LPO: variants seen among roughly 807,000 people sequenced by gnomAD.
LPO encodes lactoperoxidase, also known as salivary peroxidase.
In LPO, 70 loss-of-function variants were observed where a neutral mutation model predicts 68.4. The ratio of observed to expected loss-of-function variants is 1.02; its 90% confidence interval spans 0.84 to 1.25. The LOEUF (loss-of-function observed/expected upper bound fraction) is 1.25, where lower values mean the gene tolerates loss of function less well. LPO is among the 50% of genes most tolerant of loss of function. The pLI is 0.00. For missense variants in LPO, 873 were observed against 908.4 expected (o/e 0.96, Z 0.50); for synonymous variants, 360 against 357.6 (o/e 1.01, Z -0.08).
chr17:58,267,721 C>T, intron 12 of LPO, 66 bp from the exon 13 acceptor site: 3 of 1,521,220 alleles, frequency 2.0e-6, no homozygotes, highest in Non-Finnish European at 2.7e-6. Context: ...CCTTTCCTTC[C>T]CCTGTGACAG....
intron 8 of LPO, among the ~76,000 whole-genome samples, chr17:58,253,542 G>T (rs914368652): frequency 1.3e-5 from 2 of 152,042 alleles, no homozygotes; most frequent in Non-Finnish European, 2.9e-5. Context: ...GCCTGTGCAC[G>T]ACCAAAGCCC....
chr17:58,243,312 G>C (rs868684565), intron 2 of LPO: 2 of 450,326 alleles, frequency 4.4e-6, no homozygotes, highest in East Asian at 4.3e-5. Flanking sequence ...CTCAGTCTTT[G>C]CGTGGCCTTT....
At chr17:58,261,419 A>C (rs895638109) in intron 9 of LPO, among the ~76,000 whole-genome samples, 1 of 152,114 alleles carries the variant, frequency 6.6e-6, no homozygotes, top group Non-Finnish European at 1.5e-5. Context: ...TCTGATATTA[A>C]TATAGTCACC....
chr17:58,264,925 A>G lies in LPO; in HGVS notation c.1470A>G (p.Glu490=). The G allele has an allele frequency of 6.2e-7, 1 of 1,613,812 alleles. No individual in the cohort carries two copies. The highest frequency in any genetic ancestry group is 1.1e-5 in the South Asian group (1 of 91,068). ...ENYQPWGPEP[E]LPLHTLFFNT... ...ATCAGCCATGGGGGCCAGAACCAGAACTCCCCCTCCACACCCTCTTCTTCA... is the reference window on the plus strand; with the variant it reads ...ATCAGCCATGGGGGCCAGAACCAGAGCTCCCCCTCCACACCCTCTTCTTCA... Residue 490 remains glutamate (E), a synonymous_variant, in exon 10 of 13, where the codon GAA becomes GAG. Transcript: ENST00000262290.
At chr17:58,240,989 T>C (rs923209232) in intron 1 of LPO, among the ~76,000 whole-genome samples, 3 of 152,128 alleles carry the variant, frequency 2.0e-5, no homozygotes, top group African/African-American at 7.2e-5. Flanking sequence ...TTTTACAGGA[T>C]GAAAATGTTC....
chr17:58,243,162 A>C, intron 2 of LPO, 107 bp downstream of exon 2: 2 of 1,123,268 alleles, frequency 1.8e-6, no homozygotes, highest in Non-Finnish European at 2.6e-6. Flanking sequence ...GGAGGATAGA[A>C]GTCCAAAATC....
intron 8 of LPO, among the ~76,000 whole-genome samples, chr17:58,254,176 G>GATAGAT (rs982867537): frequency 1.9e-4 from 28 of 151,334 alleles, no homozygotes; most frequent in Non-Finnish European, 3.4e-4. Context: ...TAGATAGATA[G>GATAGAT]ATAGATAGAT....
intron 9 of LPO, among the ~76,000 whole-genome samples, chr17:58,261,944 C>T (rs1349035264): frequency 6.6e-6 from 1 of 152,172 alleles, no homozygotes; most frequent in Non-Finnish European, 1.5e-5. Flanking sequence ...TCCATTTGGT[C>T]CCTTCACCTT....
Position 58,249,641 on chromosome 17 carries a change from C to A in LPO, c.519C>A (p.Ser173=). The change falls in exon 6 of 13, where the codon TCC becomes TCA. Residue 173 remains serine, a synonymous_variant. Transcript: ENST00000262290. ...WLPAEYEDGL[S]LPFGWTPGKT... ...CCGCGGAGTACGAGGACGGGCTCTC[C>A]CTGCCCTTCGGCTGGACGCCGGGGA... 6.3e-7 allele frequency: 1 copy of A among 1,598,958 alleles called. No homozygotes were observed.
chr17:58,249,047 C>A lies in LPO; in HGVS notation c.326-13C>A. On this transcript the variant is annotated splice_polypyrimidine_tract_variant and intron_variant, in intron 4 of 12. Coordinates refer to ENST00000262290, the MANE Select transcript of LPO (RefSeq NM_006151.3). The stretch of plus-strand genomic sequence containing the variant: ...GAAAGAACTCAGTCCCTTTGGGGTC[C>A]CTTCTGTTTCAGATCCCAGCCTGGA... 1 of 1,605,956 alleles carries A rather than the reference C, an allele frequency of 6.2e-7. No individual in the cohort carries two copies. The highest frequency in any genetic ancestry group is 1.1e-5 in the South Asian group (1 of 90,904).
Position 58,264,869 on chromosome 17 carries a change from C to T in LPO, c.1414C>T (p.Pro472Ser). The change falls in exon 10 of 13, where the codon CCC becomes TCC. Residue 472 changes from proline to serine, a missense_variant. Physicochemically the swap from Pro to Ser is moderately conservative, Grantham distance 74. Coordinates refer to ENST00000262290, the MANE Select transcript of LPO (RefSeq NM_006151.3). ...FAFRFGHLEVPSSMFRLDENY... is the reference protein window; with the variant it reads ...FAFRFGHLEVSSSMFRLDENY... ...CTTCCGCTTTGGCCACTTGGAGGTC[C>T]CCTCTAGTATGTTCCGCCTGGATGA... The T allele has an allele frequency of 6.2e-7, 1 of 1,614,232 alleles. No individual in the cohort carries two copies. The highest frequency in any genetic ancestry group is 8.5e-7 in the Non-Finnish European group (1 of 1,180,038).
intron 4 of LPO, among the ~76,000 whole-genome samples, chr17:58,248,271 C>T (rs1314801483): frequency 6.6e-6 from 1 of 152,202 alleles, no homozygotes; most frequent in African/African-American, 2.4e-5. Flanking sequence ...GGGGGGATAC[C>T]TGGCCCAGGA....
chr17:58,264,829 T>C lies in LPO; in HGVS notation c.1374T>C (p.Asn458=), dbSNP rs778453732. The C allele has an allele frequency of 8.1e-6, 13 of 1,614,144 alleles. No homozygotes were observed. The highest frequency in any genetic ancestry group is 1.1e-5 in the South Asian group (1 of 91,088). Residue 458 remains asparagine (N), a synonymous_variant, in exon 10 of 13, where the codon AAT becomes AAC. Coordinates refer to ENST00000262290, the MANE Select transcript of LPO (RefSeq NM_006151.3). ...YSESVDPRIS[N]VFTFAFRFGH... is the part of the protein sequence containing the mutation. ...AATCTGTGGATCCCAGAATTTCCAA[T>C]GTCTTCACCTTCGCCTTCCGCTTTG...
chr17:58,257,921 A>G (rs1398372806), intron 9 of LPO, among the ~76,000 whole-genome samples: 2 of 152,156 alleles, frequency 1.3e-5, no homozygotes, highest in Non-Finnish European at 2.9e-5. Context: ...CCTGTTTGCC[A>G]TTTGTATGTC....
intron 4 of LPO, among the ~76,000 whole-genome samples, chr17:58,247,856 C>T (rs1294339251): frequency 6.6e-6 from 1 of 152,180 alleles, no homozygotes; most frequent in East Asian, 1.9e-4. Context: ...GAAACTGAGA[C>T]CTAGCAAGCT....
At chr17:58,264,502 T>C (rs946960893) in intron 9 of LPO, among the ~76,000 whole-genome samples, 3 of 152,244 alleles carry the variant, frequency 2.0e-5, no homozygotes, top group African/African-American at 7.2e-5. Context: ...GTAGAGCCTA[T>C]GTTGAGACAA....
chr17:58,265,030 T>G (rs894786097), intron 10 of LPO, 56 bp downstream of exon 10: 10 of 1,594,716 alleles, frequency 6.3e-6, no homozygotes, highest in Non-Finnish European at 7.7e-6. Context: ...CAGCCTATTG[T>G]AGGGAAACTT....
intron 2 of LPO, chr17:58,243,319 CT>C: frequency 7.1e-5 from 31 of 434,824 alleles, no homozygotes; most frequent in East Asian, 1.8e-4. Context: ...TTTGCGTGGC[CT>C]TTTTCACTGG....
chr17:58,258,922 T>G (rs1970123156), intron 9 of LPO, among the ~76,000 whole-genome samples: 1 of 152,258 alleles, frequency 6.6e-6, no homozygotes, highest in Admixed American at 6.5e-5. Flanking sequence ...TTGGACTATT[T>G]GACTTGTAAT....
Sources: gnomAD v4.1 joint callset for allele counts (sites outside exome capture counted in the v4.1 genomes callset) on GRCh38, gnomAD v4.1.1 for gene constraint, MANE v1.5 for transcripts, NCBI Gene and HGNC (gene_info 2026-07-23, HGNC 2026-07-21) for gene names.